APP: variants seen among roughly 807,000 people sequenced by gnomAD.
The protein encoded by APP is amyloid-beta precursor protein.
A neutral mutation model predicts 101.4 loss-of-function variants in APP; 31 were observed. That is an observed-to-expected ratio of 0.31 (90% CI 0.23 to 0.41). APP has a LOEUF of 0.41. APP is among the 10% of genes least tolerant of loss of function. The pLI is 1.00. For synonymous variants in APP, 366 were observed against 364.4 expected, an observed-to-expected ratio of 1.00 and a Z score of -0.05; for missense variants, 839 against 1,003.7, an observed-to-expected ratio of 0.84 and a Z score of 2.22.
chr21:25,918,930 G>A (rs1601403144), intron 13 of APP, among the ~76,000 whole-genome samples: 1 of 139,530 alleles, frequency 7.2e-6, no homozygotes, highest in Non-Finnish European at 1.5e-5. Context: ...TGGGGGCAGG[G>A]CACAGACAAA....
chr21:25,984,255 T>A (rs2042553886), intron 8 of APP, among the ~76,000 whole-genome samples: 1 of 151,882 alleles, frequency 6.6e-6, no homozygotes, highest in Non-Finnish European at 1.5e-5. Flanking sequence ...AAAGGACAAG[T>A]TTTAAAATTT....
At chr21:25,966,420 T>C (rs2041799433) in intron 11 of APP, among the ~76,000 whole-genome samples, 1 of 152,168 alleles carries the variant, frequency 6.6e-6, no homozygotes, top group Non-Finnish European at 1.5e-5. Context: ...TATGTAAGTA[T>C]AGAGCAATTA....
chr21:25,989,476 G>C (rs1327983423), intron 8 of APP, among the ~76,000 whole-genome samples: 1 of 152,114 alleles, frequency 6.6e-6, no homozygotes, highest in Non-Finnish European at 1.5e-5. Context: ...AGTCACAATG[G>C]ACTCAGGACA....
intron 5 of APP, among the ~76,000 whole-genome samples, chr21:26,045,562 A>T (rs1429841487): frequency 1.3e-5 from 2 of 152,212 alleles, no homozygotes; most frequent in African/African-American, 4.8e-5. Context: ...CTATTCCTTT[A>T]TTCTTAGTTC....
At chr21:25,900,803 C>T (rs190295560) in intron 15 of APP, among the ~76,000 whole-genome samples, 1 of 150,138 alleles carries the variant, frequency 6.7e-6, no homozygotes, top group Non-Finnish European at 1.5e-5. Context: ...AGATCAAGAC[C>T]ATGGTGAAAC....
At chr21:26,135,432 T>C (rs960124644) in intron 1 of APP, among the ~76,000 whole-genome samples, 7 of 152,240 alleles carry the variant, frequency 4.6e-5, no homozygotes, top group Admixed American at 2.0e-4. Context: ...CATAGAACCA[T>C]GACAAAACAT....
chr21:26,075,731 A>G (rs2061487194), intron 3 of APP, among the ~76,000 whole-genome samples: 1 of 152,212 alleles, frequency 6.6e-6, no homozygotes, highest in South Asian at 2.1e-4. Flanking sequence ...GAATAAGAGA[A>G]ATAATCAAAT....
chr21:26,062,757 A>ATATTTTT, intron 3 of APP, among the ~76,000 whole-genome samples: 1 of 151,932 alleles, frequency 6.6e-6, no homozygotes, highest in South Asian at 2.1e-4. Flanking sequence ...AAATTTTTTT[A>ATATTTTT]TATTTTTTAT....
At chr21:25,974,714 G>A (rs1340867608) in intron 11 of APP, among the ~76,000 whole-genome samples, 1 of 152,144 alleles carries the variant, frequency 6.6e-6, no homozygotes, top group Admixed American at 6.5e-5. Context: ...ACAGCAGCCT[G>A]AAGGGACTGG....
intron 1 of APP, among the ~76,000 whole-genome samples, chr21:26,161,395 A>G (rs1393532077): frequency 1.3e-5 from 2 of 152,216 alleles, no homozygotes; most frequent in African/African-American, 2.4e-5. Flanking sequence ...CCTTCTACGT[A>G]GCATTCTCTT....
In APP at chr21:25,884,184, G is replaced by A. The variant is rs188912108; in HGVS notation, c.2212-2413C>T. Among the ~76,000 whole-genome samples, 33 of 152,286 alleles carry A rather than the reference G, an allele frequency of 2.2e-4. No homozygotes were observed. In the East Asian group the frequency reaches 6.0e-3, roughly 28 times the overall value. On this transcript the variant is annotated intron_variant, in intron 17 of 17. Transcript: ENST00000346798. ...ATGAGCCGCCATGGCCATGTGCCCC[G>A]ATTCTTACGTTTCCATTTATGGAAG...
chr21:26,029,474 A>C (rs987838731), intron 5 of APP, among the ~76,000 whole-genome samples: 1 of 123,240 alleles, frequency 8.1e-6, no homozygotes. Flanking sequence ...GTGTCTAGTG[A>C]GGCAGAGATT....
At chr21:25,882,409 G>T (rs1325101127) in intron 17 of APP, among the ~76,000 whole-genome samples, 2 of 148,976 alleles carry the variant, frequency 1.3e-5, no homozygotes, top group African/African-American at 5.0e-5. Flanking sequence ...CATTCTAGAT[G>T]ATGTAATTTT....
rs2041944698 is a variant in APP, at chr21:25,969,854, C to CAAAACAAAAG, written c.1458+5215_1458+5216insCTTTTGTTTT. Among the ~76,000 whole-genome samples the CAAAACAAAAG allele has an allele frequency of 5.5e-5, 4 of 73,368 alleles. 1 individual carries two copies. The South Asian group carries it at 1.7e-3, about 31-fold the overall frequency. 48.1% of individuals were successfully genotyped at this position (73,368 alleles called of 152,430 possible). A position where few individuals can be genotyped will look rare whatever the true frequency, so the allele number is the denominator to read the frequency against. On this transcript the variant is annotated intron_variant, in intron 11 of 17. Transcript: ENST00000346798. The stretch of plus-strand genomic sequence containing the variant: ...ACCCTGAAAAGAAAAGAAAAGAAAA[C>CAAAACAAAAG]AAAAGAAAAGAAAAGAAAAGAGAAA...
intron 5 of APP, among the ~76,000 whole-genome samples, chr21:26,033,528 A>T (rs1601277055): frequency 1.3e-5 from 2 of 152,328 alleles, no homozygotes; most frequent in Admixed American, 6.5e-5. Context: ...GCCAATTCTC[A>T]GTATGGTGGA....
chr21:26,154,996 A>C (rs1291840260), intron 1 of APP, among the ~76,000 whole-genome samples: 2 of 152,242 alleles, frequency 1.3e-5, no homozygotes, highest in African/African-American at 4.8e-5. Context: ...TCACAACTGT[A>C]ATCCCGGCAC....
At chr21:25,923,378 A>G (rs968891264) in intron 13 of APP, among the ~76,000 whole-genome samples, 5 of 148,724 alleles carry the variant, frequency 3.4e-5, no homozygotes, top group African/African-American at 7.8e-5. Context: ...AAATGGACAA[A>G]TGGGATCTAA....
chr21:25,968,607 A>G (rs2041887246), intron 11 of APP, among the ~76,000 whole-genome samples: 1 of 152,226 alleles, frequency 6.6e-6, no homozygotes, highest in African/African-American at 2.4e-5. Context: ...ATACTCAGAC[A>G]CAGGGACTCA....
intron 8 of APP, among the ~76,000 whole-genome samples, chr21:25,986,472 G>A (rs969617425): frequency 1.2e-4 from 18 of 152,066 alleles, no homozygotes; most frequent in Non-Finnish European, 1.8e-4. Flanking sequence ...TTGGGAGGCC[G>A]AGGTGGACGG....
Sources: gnomAD v4.1 joint callset for allele counts (sites outside exome capture counted in the v4.1 genomes callset) on GRCh38, gnomAD v4.1.1 for gene constraint, MANE v1.5 for transcripts, NCBI Gene and HGNC (gene_info 2026-07-23, HGNC 2026-07-21) for gene names.